Variants in OGT observed in about 807,000 individuals in gnomAD.
The protein encoded by OGT is UDP-N-acetylglucosamine--peptide N-acetylglucosaminyltransferase 110 kDa subunit.
A neutral mutation model predicts 75.8 loss-of-function variants in OGT; 3 were observed. The ratio of observed to expected loss-of-function variants is 0.04; its 90% CI spans 0.02 to 0.10. The LOEUF (loss-of-function observed/expected upper bound fraction) is 0.10. Ranked by LOEUF, OGT falls within the 10% of genes least tolerant of loss-of-function variation. OGT has a pLI of 1.00. For synonymous variants in OGT, 257 were observed against 289.7 expected (o/e 0.89, Z 1.15); for missense variants, 260 against 824.4 (o/e 0.32, Z 8.38).
intron 12 of OGT, among the ~76,000 whole-genome samples, chrX:71,558,940 ATTTTTT>A (rs1225555559): frequency 1.2e-5 from 1 of 83,549 alleles, no homozygotes; most frequent in African/African-American, 4.3e-5. Flanking sequence ...CGCCCAGCTA[ATTTTTT>A]TTTTTTTTTT....
At chrX:71,572,521 G>A (rs1304313061) in intron 21 of OGT, among the ~76,000 whole-genome samples, 5 of 112,228 alleles carry the variant, frequency 4.5e-5, no homozygotes, top group Non-Finnish European at 9.4e-5. Context: ...TAATCCCGGC[G>A]CTTTAAGAGG....
intron 14 of OGT, among the ~76,000 whole-genome samples, chrX:71,560,228 G>T (rs2040372906): frequency 1.0e-5 from 1 of 99,821 alleles, no homozygotes; most frequent in Non-Finnish European, 2.0e-5. Context: ...GCAGTAAGCT[G>T]AGATCGCACC....
chrX:71,539,417 T>C (rs1055283059), intron 3 of OGT, among the ~76,000 whole-genome samples: 1 of 111,836 alleles, frequency 8.9e-6, no homozygotes, highest in African/African-American at 3.3e-5. Context: ...CTCATACTCC[T>C]GGGCTCAAGC....
At chrX:71,565,188 A>T (rs1265645381) in intron 19 of OGT, among the ~76,000 whole-genome samples, 1 of 112,275 alleles carries the variant, frequency 8.9e-6, no homozygotes. Flanking sequence ...AATACTTTTT[A>T]AAAAATTTAT....
chrX:71,534,102 A>G (rs1277252266), intron 1 of OGT, among the ~76,000 whole-genome samples: 1 of 109,096 alleles, frequency 9.2e-6, no homozygotes, highest in South Asian at 4.1e-4. Context: ...TTCACTTCCT[A>G]TCCTTGGGGG....
At chrX:71,538,611 A>ATTTC (rs764595773) in intron 3 of OGT, among the ~76,000 whole-genome samples, 3 of 111,836 alleles carry the variant, frequency 2.7e-5, no homozygotes, top group Non-Finnish European at 5.6e-5. Context: ...TAGTTTAAAA[A>ATTTC]TTTTTTTTGT....
At chrX:71,568,174 A>G in intron 21 of OGT, 58 bp downstream of exon 21, 2 of 1,026,639 alleles carry the variant, frequency 1.9e-6, no homozygotes, top group Non-Finnish European at 1.3e-6. Context: ...TATAGCTGTT[A>G]TAAAATGAAA....
At chrX:71,557,430 A>T in intron 11 of OGT, 63 bp from the exon 12 acceptor site, 3 of 1,123,202 alleles carry the variant, frequency 2.7e-6, no homozygotes, top group Non-Finnish European at 3.6e-6. Flanking sequence ...GGCCAAAGAC[A>T]TATCAAATAT....
At chrX:71,544,336 T>C (rs1415918475) in intron 3 of OGT, among the ~76,000 whole-genome samples, 1 of 112,198 alleles carries the variant, frequency 8.9e-6, no homozygotes, top group Admixed American at 9.5e-5. Flanking sequence ...TTAAATTCTA[T>C]AAATAGTTTC....
At chrX:71,563,296 G>A in intron 17 of OGT, 33 bp from the exon 18 acceptor site, 6 of 1,203,558 alleles carry the variant, frequency 5.0e-6, no homozygotes, top group Non-Finnish European at 5.6e-6. Context: ...CTGCATTCAC[G>A]ATCTTTTCCC....
rs745354470 is a variant in OGT, at chrX:71,548,068, A to C, written c.648+45A>C. The C allele has an allele frequency of 6.5e-5, 75 of 1,154,507 alleles. No homozygotes were observed. In the South Asian group the frequency reaches 1.3e-3, roughly 20 times the overall value. ...ATTGGTATTTTTGAAGTGCTTACGC[A>C]TGTAGTGTTTTTACTAGAACTAAAT... is the stretch of plus-strand genomic sequence containing the variant. On this transcript the variant is annotated intron_variant, in intron 5 of 21. Coordinates refer to ENST00000373719, the MANE Select transcript of OGT (RefSeq NM_181672.3).
intron 3 of OGT, among the ~76,000 whole-genome samples, chrX:71,543,965 T>A (rs2040242175): frequency 9.1e-6 from 1 of 109,313 alleles, no homozygotes. Flanking sequence ...TTCATATTTT[T>A]AGTAGAGATG....
chrX:71,561,087 C>T (rs1238039925), intron 14 of OGT, among the ~76,000 whole-genome samples: 1 of 109,461 alleles, frequency 9.1e-6, no homozygotes, highest in Non-Finnish European at 1.9e-5. Context: ...GCCACCACAC[C>T]CGGCTAATTT....
At chrX:71,543,305 G>A (rs928127033) in intron 3 of OGT, among the ~76,000 whole-genome samples, 1 of 111,612 alleles carries the variant, frequency 9.0e-6, no homozygotes, top group African/African-American at 3.3e-5. Context: ...CATTGTTTCT[G>A]CCTGTTGACT....
intron 21 of OGT, among the ~76,000 whole-genome samples, chrX:71,569,774 C>T (rs779891638): frequency 7.3e-5 from 8 of 108,911 alleles, no homozygotes; most frequent in African/African-American, 2.3e-4. Context: ...CTCGCTCTGT[C>T]GCCCAGGCTG....
chrX:71,569,923 A>G (rs1463517603), intron 21 of OGT, among the ~76,000 whole-genome samples: 1 of 102,457 alleles, frequency 9.8e-6, no homozygotes, highest in Non-Finnish European at 2.0e-5. Flanking sequence ...TTTAGTAGAG[A>G]CGGGGTTTCA....
In OGT at chrX:71,575,800, T is replaced by G. The variant is rs2040492761; in HGVS notation, c.*2006T>G. The G allele has an allele frequency of 8.9e-6, 1 of 112,659 alleles. No homozygotes were observed. Among genetic ancestry groups the G allele is most frequent in the Non-Finnish European group, 1.9e-5 (1 of 53,308 alleles). 9.3% of individuals were successfully genotyped at this position (112,659 alleles called of 1,213,427 possible). On this transcript the variant is annotated 3_prime_UTR_variant, in exon 22 of 22. Transcript: ENST00000373719. The stretch of plus-strand genomic sequence containing the variant: ...ACTAATTGTTTTTTTTCTATTGTAC[T>G]CTGCTTTATCAAAGAAGTAAAACAT...
intron 18 of OGT, 94 bp downstream of exon 18, chrX:71,563,593 C>T: frequency 1.5e-6 from 1 of 687,623 alleles, no homozygotes; most frequent in Non-Finnish European, 2.1e-6. Flanking sequence ...GTATCATTAT[C>T]ACCATTTTTA....
At position 71,565,084 on chromosome X, in the gene OGT, G is replaced by A. The variant is rs759485830; in HGVS notation, c.2589+331G>A. 5.3e-5 allele frequency among the ~76,000 whole-genome samples: 6 copies of A among 112,181 alleles called. No homozygotes were observed. In the South Asian group the frequency reaches 2.2e-3, roughly 42 times the overall value. On this transcript the variant is annotated intron_variant, in intron 19 of 21. Transcript: ENST00000373719. ...TGAGACAGGAGAATCACTTGAACCC[G>A]GGAGGTGGAGGTTGCAGTGAGCCAA... is the stretch of plus-strand genomic sequence containing the variant.
Sources: gnomAD v4.1 joint callset for allele counts (sites outside exome capture counted in the v4.1 genomes callset) on GRCh38, gnomAD v4.1.1 for gene constraint, MANE v1.5 for transcripts, NCBI Gene and HGNC (gene_info 2026-07-23, HGNC 2026-07-21) for gene names.